Variants in TLL2 observed in about 807,000 individuals in gnomAD.
TLL2 encodes the protein tolloid like 2.
A neutral mutation model predicts 123.0 loss-of-function variants in TLL2; 106 were observed. The ratio of observed to expected loss-of-function variants is 0.86; its 90% confidence interval spans 0.74 to 1.01. TLL2 has a LOEUF of 1.01. TLL2 is among the 50% of genes least tolerant of loss of function. The pLI, the probability that TLL2 is intolerant of heterozygous loss-of-function variation, is 0.00. For synonymous variants in TLL2, 494 were observed against 516.8 expected (o/e 0.96, Z 0.60); for missense variants, 1,332 against 1,336.7 (o/e 1.00, Z 0.06).
Position 96,373,674 on chromosome 10 carries a change from A to C in TLL2, c.2584T>G (p.Ser862Ala), listed in dbSNP as rs1359107346. 2 of 1,614,154 alleles carry C rather than the reference A, an allele frequency of 1.2e-6. No individual in the cohort carries two copies. Among genetic ancestry groups the C allele is most frequent in the Non-Finnish European group, 1.7e-6 (2 of 1,180,060 alleles). Residue 862 changes from serine to alanine, a missense_variant, in exon 19 of 21, where the codon TCC becomes GCC. Physicochemically the swap from Ser to Ala is moderately conservative, Grantham distance 99. Coordinates refer to ENST00000357947, the MANE Select transcript of TLL2 (RefSeq NM_012465.4). The part of the protein sequence containing the change: ...GSKKPDPTVA[S>A]GSSMFLRFYS... ...AACCTGAGAAACATACTGCTGCCGG[A>C]AGCCACCGTGGGGTCTGGTTTCTTG...
At position 96,423,594 on chromosome 10, in the gene TLL2, G is replaced by A. The variant is rs377236791; in HGVS notation, c.639-867C>T. The stretch of plus-strand genomic sequence containing the variant: ...GTTTTTGCTATTTTAACAAGGCCTC[G>A]GGGGAGAGGATGACAAGCAAAACAA... On this transcript the variant is annotated intron_variant, in intron 5 of 20. Coordinates refer to ENST00000357947, the MANE Select transcript of TLL2 (RefSeq NM_012465.4). Among the ~76,000 whole-genome samples the A allele has an allele frequency of 7.9e-5, 12 of 152,116 alleles. No individual in the cohort carries two copies. The East Asian group carries it at 2.1e-3, about 27-fold the overall frequency.
intron 1 of TLL2, among the ~76,000 whole-genome samples, chr10:96,510,268 G>A (rs1847616079): frequency 6.6e-6 from 1 of 152,196 alleles, no homozygotes; most frequent in Admixed American, 6.5e-5. Flanking sequence ...TGAACCCTTA[G>A]CTGTATTGAC....
chr10:96,365,237 A>C lies in TLL2; in HGVS notation c.*2851T>G, dbSNP rs1322089630. The C allele has an allele frequency of 6.6e-6, 1 of 152,248 alleles. No individual in the cohort carries two copies. Among genetic ancestry groups the C allele is most frequent in the African/African-American group, 2.4e-5 (1 of 41,468 alleles). The allele number at this position is 152,248 out of a possible 1,614,324, so 9.4% of individuals were successfully genotyped here. A position where few individuals can be genotyped will look rare whatever the true frequency, so the allele number is the denominator to read the frequency against. On this transcript the variant is annotated 3_prime_UTR_variant, in exon 21 of 21. Transcript: ENST00000357947. ...GCTTTAGAGAGAAATTGTAAAGTAG[A>C]AATAAAAAGGAAACTTCACCTTACA...
At chr10:96,387,158 C>A in intron 13 of TLL2, 80 bp from the exon 14 acceptor site, 2 of 1,566,432 alleles carry the variant, frequency 1.3e-6, no homozygotes, top group South Asian at 1.1e-5. Context: ...ATCCCAGTGT[C>A]ACCAGCAAGT....
chr10:96,499,190 GTT>G (rs1239900507), intron 1 of TLL2, among the ~76,000 whole-genome samples: 1 of 152,226 alleles, frequency 6.6e-6, no homozygotes, highest in Admixed American at 6.5e-5. Flanking sequence ...TGCCAGCAGT[GTT>G]CAGGAAAACC....
intron 1 of TLL2, among the ~76,000 whole-genome samples, chr10:96,500,160 A>AAAAAAAAAAAAAACCG (rs1847520913): frequency 1.2e-5 from 1 of 86,346 alleles, no homozygotes; most frequent in Non-Finnish European, 2.6e-5. Flanking sequence ...AAAAAAAAAA[A>AAAAAAAAAAAAAACCG]TACAAAAATT....
intron 1 of TLL2, among the ~76,000 whole-genome samples, chr10:96,495,514 C>A (rs1044304256): frequency 2.6e-5 from 4 of 152,034 alleles, no homozygotes; most frequent in Non-Finnish European, 5.9e-5. Flanking sequence ...ACAATATGGC[C>A]TCTATGTTCT....
At chr10:96,386,558 G>C (rs1191714075) in intron 14 of TLL2, among the ~76,000 whole-genome samples, 1 of 152,202 alleles carries the variant, frequency 6.6e-6, no homozygotes, top group Non-Finnish European at 1.5e-5. Context: ...ATGAACAAGC[G>C]GATTCATGCA....
intron 2 of TLL2, among the ~76,000 whole-genome samples, chr10:96,447,418 A>G (rs1234726563): frequency 6.6e-6 from 1 of 152,228 alleles, no homozygotes; most frequent in African/African-American, 2.4e-5. Context: ...GTGAACAGTT[A>G]GGAGCCTTGC....
chr10:96,484,866 C>T (rs570956525), intron 1 of TLL2, among the ~76,000 whole-genome samples: 2 of 152,262 alleles, frequency 1.3e-5, no homozygotes, highest in Admixed American at 1.3e-4. Flanking sequence ...GTTCTTGGCA[C>T]ATAGTAGGCG....
Position 96,420,988 on chromosome 10 carries a change from G to T in TLL2, c.891C>A (p.Ser297Arg). Residue 297 changes from serine to arginine, a missense_variant, in exon 7 of 21, where the codon AGC becomes AGA. By Grantham distance (110) the Ser-to-Arg change is moderately radical. Transcript: ENST00000357947. ...SSLGETYDFD[S>R]IMHYARNTFS... ...AGGTGTTCCGGGCGTAGTGCATGAT[G>T]CTGTCAAAGTCGTATGTCTCTCCCA... 6.2e-7 allele frequency: 1 copy of T among 1,614,112 alleles called. No homozygotes were observed.
chr10:96,441,720 C>T (rs573405684), intron 3 of TLL2, among the ~76,000 whole-genome samples: 5 of 152,132 alleles, frequency 3.3e-5, no homozygotes, highest in African/African-American at 1.2e-4. Flanking sequence ...CAAATGCCTG[C>T]GGTGAGTAAG....
At chr10:96,422,750 A>G (rs1299781193) in intron 5 of TLL2, 23 bp from the exon 6 acceptor site, 7 of 1,613,582 alleles carry the variant, frequency 4.3e-6, no homozygotes, top group Non-Finnish European at 5.1e-6. Flanking sequence ...AGGAATACCC[A>G]GGTCAGCAGG....
intron 1 of TLL2, among the ~76,000 whole-genome samples, chr10:96,495,376 G>A (rs1847461556): frequency 6.6e-6 from 1 of 152,156 alleles, no homozygotes; most frequent in African/African-American, 2.4e-5. Context: ...GGGAGTGTAT[G>A]TACAAACAAA....
chr10:96,371,227 A>G (rs1001603580), intron 19 of TLL2, among the ~76,000 whole-genome samples: 1 of 152,068 alleles, frequency 6.6e-6, no homozygotes, highest in African/African-American at 2.4e-5. Flanking sequence ...AGGCTGAGGC[A>G]GGAGCATCTC....
At chr10:96,453,220 C>A (rs1227246461) in intron 2 of TLL2, among the ~76,000 whole-genome samples, 1 of 152,126 alleles carries the variant, frequency 6.6e-6, no homozygotes, top group Non-Finnish European at 1.5e-5. Context: ...CTTCGGGAGG[C>A]AGAGGCGGGC....
intron 4 of TLL2, among the ~76,000 whole-genome samples, chr10:96,429,706 C>A (rs1846718336): frequency 1.3e-5 from 2 of 152,192 alleles, no homozygotes; most frequent in Admixed American, 1.3e-4. Flanking sequence ...TGCTCCCATG[C>A]ACTTTAAAAT....
intron 19 of TLL2, 194 bp downstream of exon 19, chr10:96,373,402 A>G (rs185715452): frequency 8.6e-5 from 47 of 547,312 alleles, no homozygotes; most frequent in Non-Finnish European, 1.4e-4. Context: ...CGGCCTCCCA[A>G]AGTGCTGGGA....
intron 7 of TLL2, among the ~76,000 whole-genome samples, chr10:96,420,199 C>T (rs936016127): frequency 6.6e-6 from 1 of 152,216 alleles, no homozygotes; most frequent in Non-Finnish European, 1.5e-5. Flanking sequence ...TATTTGTTCT[C>T]TGTGACTCCT....
Sources: allele counts gnomAD v4.1 joint callset (sites outside exome capture counted in the v4.1 genomes callset), GRCh38; gene constraint gnomAD v4.1.1; transcripts MANE v1.5; gene names NCBI Gene and HGNC (gene_info 2026-07-23, HGNC 2026-07-21).